WDR20: variants seen among roughly 807,000 people sequenced by gnomAD.
The protein encoded by WDR20 is WD repeat domain 20, also known as WD repeat-containing protein 20.
In WDR20, 3 loss-of-function variants were observed where a neutral mutation model predicts 38.7. The observed-to-expected ratio is 0.08, with a 90% CI of 0.04 to 0.20. WDR20 has a LOEUF of 0.20. WDR20 is among the 10% of genes least tolerant of loss of function. The pLI, the probability that WDR20 is intolerant of heterozygous loss-of-function variation, is 1.00. For synonymous variants in WDR20, 298 were observed against 285.6 expected (o/e 1.04, Z -0.44); for missense variants, 559 against 727.7 (o/e 0.77, Z 2.67).
rs1567111876 is a variant in WDR20, at chr14:102,222,874, TG to T, written c.1738del (p.Val580Ter). The T allele has an allele frequency of 6.2e-7, 1 of 1,614,210 alleles. No homozygotes were observed. The highest frequency in any genetic ancestry group is 2.2e-5 in the East Asian group (1 of 44,882). Reference sequence around the variant, plus strand: ...GCCAGGCCAGTTCTCCAGGTGGAACTGTAGTGTAGCGACCTCACTGCTGCGC... The same window carrying T: ...GCCAGGCCAGTTCTCCAGGTGGAACTTAGTGTAGCGACCTCACTGCTGCGC... On this transcript the variant is annotated frameshift_variant, in exon 4 of 4. Transcript: ENST00000335263. LOFTEE classifies it high-confidence loss of function. This position sits in a 1 kb window ranked among gnomAD's most constrained non-coding sequence, Gnocchi z 4.4.
chr14:102,152,061 A>G (rs1047577160), intron 1 of WDR20, among the ~76,000 whole-genome samples: 25 of 152,060 alleles, frequency 1.6e-4, no homozygotes, highest in African/African-American at 5.3e-4. Flanking sequence ...ATCTGGGACT[A>G]TAGGCACCAT....
At chr14:102,166,357 C>T (rs547459810) in intron 1 of WDR20, among the ~76,000 whole-genome samples, 3 of 152,210 alleles carry the variant, frequency 2.0e-5, no homozygotes, top group Admixed American at 1.3e-4. Flanking sequence ...TTTGGTGAGT[C>T]TTTCTTTGTA....
At chr14:102,140,323 A>T in intron 1 of WDR20, 151 bp downstream of exon 1, 5 of 1,221,010 alleles carry the variant, frequency 4.1e-6, no homozygotes, top group Non-Finnish European at 4.4e-6. Flanking sequence ...TCCTGAGGAG[A>T]GGGGATTCAG....
chr14:102,209,609 G>A lies in WDR20; in HGVS notation c.1439G>A (p.Arg480Gln), dbSNP rs1306797014. Reference sequence around the variant, plus strand: ...AGGCACCACGAGAAAGATCACAAGCGAAATCATAGCATGGGACACATTTCT... The same window carrying A: ...AGGCACCACGAGAAAGATCACAAGCAAAATCATAGCATGGGACACATTTCT... ...KERHHEKDHKRNHSMGHISSK... is the reference protein window; with the variant it reads ...KERHHEKDHKQNHSMGHISSK... Residue 480 changes from arginine (R) to glutamine (Q), a missense_variant, in exon 3 of 3, where the codon CGA (arginine) becomes CAA (glutamine). Coordinates refer to ENST00000342702, the MANE Select transcript of WDR20 (RefSeq NM_144574.4). This position sits in a 1 kb window ranked among gnomAD's most constrained non-coding sequence, Gnocchi z 6.0. 3.1e-6 allele frequency: 5 copies of A among 1,614,150 alleles called. No homozygotes were observed. Among genetic ancestry groups the A allele is most frequent in the East Asian group, 4.5e-5 (2 of 44,892 alleles).
At chr14:102,211,864 C>T (rs996179478), downstream of WDR20, among the ~76,000 whole-genome samples, 1 of 152,182 alleles carries the variant, frequency 6.6e-6, no homozygotes, top group Admixed American at 6.5e-5. This position sits in a 1 kb window ranked among gnomAD's most constrained non-coding sequence, Gnocchi z 4.2. Context: ...TGGCCGATCC[C>T]AAGTAAGTAG....
At chr14:102,188,321 C>T (rs1189522225) in intron 1 of WDR20, among the ~76,000 whole-genome samples, 3 of 152,306 alleles carry the variant, frequency 2.0e-5, no homozygotes, top group African/African-American at 7.2e-5. Flanking sequence ...GGGAACCAGG[C>T]TGCAAGCTTT....
chr14:102,212,671 G>A (rs530009164), downstream of WDR20: 26 of 1,523,372 alleles, frequency 1.7e-5, no homozygotes, highest in Admixed American at 1.2e-4. Context: ...AATGGCTCCC[G>A]CAGACCTGGG....
intron 1 of WDR20, among the ~76,000 whole-genome samples, chr14:102,151,727 T>A (rs2055940468): frequency 6.6e-6 from 1 of 151,234 alleles, no homozygotes; most frequent in African/African-American, 2.4e-5. Flanking sequence ...ATGGGTACTC[T>A]TTTCTTTTCC....
intron 2 of WDR20, among the ~76,000 whole-genome samples, chr14:102,205,599 C>G (rs1297316698): frequency 6.6e-6 from 1 of 152,140 alleles, no homozygotes; most frequent in Non-Finnish European, 1.5e-5. Context: ...AGTAGACACT[C>G]TGATTGGAAG....
intron 2 of WDR20, among the ~76,000 whole-genome samples, chr14:102,197,246 A>G (rs1424342090): frequency 6.6e-6 from 1 of 152,224 alleles, no homozygotes; most frequent in Admixed American, 6.5e-5. Flanking sequence ...CTCATTGGTT[A>G]CAGGACCCAC....
chr14:102,154,194 A>G (rs961441819), intron 1 of WDR20, among the ~76,000 whole-genome samples: 3 of 152,154 alleles, frequency 2.0e-5, no homozygotes, highest in Admixed American at 2.0e-4. Flanking sequence ...TATACTACTT[A>G]CTACTGGTTG....
chr14:102,165,785 T>C (rs2059646710), intron 1 of WDR20, among the ~76,000 whole-genome samples: 2 of 151,688 alleles, frequency 1.3e-5, no homozygotes, highest in Non-Finnish European at 2.9e-5. Context: ...TACAGGCACG[T>C]GCCACCATGC....
intron 1 of WDR20, among the ~76,000 whole-genome samples, chr14:102,191,725 C>T (rs1355489783): frequency 6.6e-6 from 1 of 152,112 alleles, no homozygotes; most frequent in Non-Finnish European, 1.5e-5. Context: ...CTGCTGTTCC[C>T]GTTTGGTCAG....
At chr14:102,151,509 C>T (rs1016313154) in intron 1 of WDR20, among the ~76,000 whole-genome samples, 6 of 151,908 alleles carry the variant, frequency 3.9e-5, no homozygotes, top group Middle Eastern at 3.2e-3. Context: ...CATCCTCCCA[C>T]CTTAGCCTCC....
chr14:102,218,898 T>C (rs2063549142), downstream of WDR20, among the ~76,000 whole-genome samples: 1 of 152,178 alleles, frequency 6.6e-6, no homozygotes, highest in Admixed American at 6.5e-5. Flanking sequence ...TGAGCACAGG[T>C]GAAGCGTGGG....
At chr14:102,169,623 G>A (rs1275953218) in intron 1 of WDR20, among the ~76,000 whole-genome samples, 3 of 152,074 alleles carry the variant, frequency 2.0e-5, no homozygotes, top group Non-Finnish European at 4.4e-5. Context: ...TGCCTCCCGG[G>A]TTCAAGTGGT....
intron 2 of WDR20, among the ~76,000 whole-genome samples, chr14:102,202,737 T>G (rs1213145580): frequency 1.3e-5 from 2 of 151,814 alleles, no homozygotes; most frequent in Non-Finnish European, 2.9e-5. Context: ...CCTGCTTCCT[T>G]GGAGATATTT....
intron 1 of WDR20, among the ~76,000 whole-genome samples, chr14:102,167,012 C>A (rs1163124619): frequency 5.3e-5 from 8 of 152,242 alleles, no homozygotes; most frequent in Admixed American, 5.2e-4. Context: ...ATTGTCACTC[C>A]CAGGCTTGAA....
intron 1 of WDR20, among the ~76,000 whole-genome samples, chr14:102,173,408 C>T (rs542989557): frequency 6.7e-6 from 1 of 150,066 alleles, no homozygotes; most frequent in Non-Finnish European, 1.5e-5. Context: ...GCCACCGCGC[C>T]CGGCCTGTTT....
Sources: gnomAD v4.1 joint callset for allele counts (sites outside exome capture counted in the v4.1 genomes callset) on GRCh38, gnomAD v4.1.1 for gene constraint, Gnocchi (gnomAD v3.1) non-coding constraint, MANE v1.5 for transcripts, NCBI Gene and HGNC (gene_info 2026-07-23, HGNC 2026-07-21) for gene names.